Variants in AGBL4 observed in about 807,000 individuals in gnomAD.
AGBL4 encodes the protein AGBL carboxypeptidase 4, also known as cytosolic carboxypeptidase 6.
Under a neutral mutation model 66.4 loss-of-function variants are expected in AGBL4, and 58 were observed. The ratio of observed to expected loss-of-function variants is 0.87; its 90% CI spans 0.71 to 1.09. The LOEUF (loss-of-function observed/expected upper bound fraction) is 1.09. Ranked by LOEUF, AGBL4 falls within the 50% of genes least tolerant of loss-of-function variation. The pLI, the probability that AGBL4 is intolerant of heterozygous loss-of-function variation, is 0.00. For missense variants in AGBL4, 579 were observed against 631.0 expected, an observed-to-expected ratio of 0.92 and a Z score of 0.88; for synonymous variants, 234 against 222.9, an observed-to-expected ratio of 1.05 and a Z score of -0.44.
intron 4 of AGBL4, among the ~76,000 whole-genome samples, chr1:49,118,951 T>A (rs1412635514): frequency 6.6e-6 from 1 of 152,224 alleles, no homozygotes; most frequent in East Asian, 1.9e-4. Context: ...TAGGAATTTA[T>A]CCATTTCTTC....
At chr1:49,931,877 T>C (rs1194603209) in intron 1 of AGBL4, among the ~76,000 whole-genome samples, 1 of 152,124 alleles carries the variant, frequency 6.6e-6, no homozygotes, top group Non-Finnish European at 1.5e-5. Flanking sequence ...TATTATGAAT[T>C]CACAGTAATT....
chr1:49,632,789 C>T (rs1029558315), intron 3 of AGBL4, among the ~76,000 whole-genome samples: 4 of 151,788 alleles, frequency 2.6e-5, no homozygotes, highest in African/African-American at 9.7e-5. Flanking sequence ...AAGCACTTCC[C>T]TTTCTAGGCC....
intron 3 of AGBL4, among the ~76,000 whole-genome samples, chr1:49,472,730 G>A (rs1435867999): frequency 3.9e-5 from 6 of 151,962 alleles, no homozygotes; most frequent in Non-Finnish European, 7.4e-5. Flanking sequence ...TATATTGTGT[G>A]ATGCTGAGTA....
intron 3 of AGBL4, among the ~76,000 whole-genome samples, chr1:49,548,898 G>A (rs372136570): frequency 3.9e-5 from 6 of 152,028 alleles, no homozygotes; most frequent in South Asian, 2.1e-4. Flanking sequence ...CTGTAAATCC[G>A]TCTGGTCTGG....
At chr1:49,211,719 C>T (rs1276936184) in intron 4 of AGBL4, among the ~76,000 whole-genome samples, 2 of 151,990 alleles carry the variant, frequency 1.3e-5, no homozygotes, top group African/African-American at 4.8e-5. Context: ...AACTACTCTG[C>T]AATTTAATAA....
At chr1:49,767,388 TA>T (rs1385885085) in intron 2 of AGBL4, among the ~76,000 whole-genome samples, 2 of 151,398 alleles carry the variant, frequency 1.3e-5, no homozygotes, top group Admixed American at 6.6e-5. Context: ...AAGGCAGAAA[TA>T]AAAAAAATTA....
At chr1:49,934,971 G>A (rs1653790487) in intron 1 of AGBL4, among the ~76,000 whole-genome samples, 1 of 152,232 alleles carries the variant, frequency 6.6e-6, no homozygotes, top group Non-Finnish European at 1.5e-5. Context: ...GGGAGTGCCA[G>A]ACAGTGGGCA....
intron 3 of AGBL4, among the ~76,000 whole-genome samples, chr1:49,254,244 G>T (rs1048048358): frequency 7.2e-5 from 11 of 151,950 alleles, no homozygotes; most frequent in Admixed American, 7.2e-4. Context: ...TTTCTAGATG[G>T]CACGATCCTC....
At chr1:48,800,952 G>C (rs1289685437) in intron 6 of AGBL4, among the ~76,000 whole-genome samples, 1 of 152,038 alleles carries the variant, frequency 6.6e-6, no homozygotes, top group African/African-American at 2.4e-5. Flanking sequence ...GGGTTAGGGG[G>C]GTCTGAGCTC....
At chr1:50,018,358 A>C (rs2148448412) in intron 1 of AGBL4, among the ~76,000 whole-genome samples, 1 of 152,306 alleles carries the variant, frequency 6.6e-6, no homozygotes, top group East Asian at 1.9e-4. Flanking sequence ...TAAAAAGCAA[A>C]GATTAGCATA....
At chr1:48,526,574 G>C in the AGBL4 span, among the ~76,000 whole-genome samples, 3 of 152,216 alleles carry the variant, frequency 2.0e-5, no homozygotes, top group Non-Finnish European at 4.4e-5. Context: ...ATCCACAGTA[G>C]TAGTGGTAGC....
chr1:49,390,897 T>C lies in AGBL4; in HGVS notation c.283-145033A>G, dbSNP rs182473621. Among the ~76,000 whole-genome samples, 26 of 152,200 alleles carry C rather than the reference T, an allele frequency of 1.7e-4. No individual in the cohort carries two copies. The East Asian group carries it at 4.5e-3, about 26-fold the overall frequency. On this transcript the variant is annotated intron_variant, in intron 3 of 13. Coordinates refer to ENST00000371839, the MANE Select transcript of AGBL4 (RefSeq NM_032785.4). ...ACACTTTCTAGTTTTAAGGAGCTCATAGAGAATGGAAGAGAGAGGCATGGG... is the reference window on the plus strand; with the variant it reads ...ACACTTTCTAGTTTTAAGGAGCTCACAGAGAATGGAAGAGAGAGGCATGGG...
intron 9 of AGBL4, among the ~76,000 whole-genome samples, chr1:48,623,351 G>A (rs1020378437): frequency 1.3e-5 from 2 of 152,230 alleles, no homozygotes; most frequent in Admixed American, 6.5e-5. Flanking sequence ...AAGCTGATAA[G>A]GCTTCCCACA....
intron 4 of AGBL4, among the ~76,000 whole-genome samples, chr1:49,112,953 A>AT (rs780520117): frequency 0.016 from 2,246 of 142,214 alleles, 47 homozygotes; most frequent in African/African-American, 0.047. Flanking sequence ...CTTCTTTTTA[A>AT]TTTTTTTTTT....
intron 11 of AGBL4, among the ~76,000 whole-genome samples, chr1:48,553,181 G>C (rs544204539): frequency 1.3e-5 from 2 of 152,134 alleles, no homozygotes; most frequent in East Asian, 3.9e-4. Flanking sequence ...ACAGTTGACC[G>C]TGGCTCTGAA....
chr1:49,778,519 T>C lies in AGBL4; in HGVS notation c.157+72877A>G, dbSNP rs145052607. Among the ~76,000 whole-genome samples, 246 of 152,240 alleles carry C rather than the reference T, an allele frequency of 1.6e-3. 4 individuals are homozygous for C. In the East Asian group the frequency reaches 0.031, roughly 19 times the overall value. On this transcript the variant is annotated intron_variant, in intron 2 of 13. Coordinates refer to ENST00000371839, the MANE Select transcript of AGBL4 (RefSeq NM_032785.4). ...ATCAAAACAATGGCAAACTTGGTGG[T>C]GAGCAATAAAGAGGGAGTTAAGAGC... is the stretch of plus-strand genomic sequence containing the variant.
chr1:48,629,607 C>A (rs1171539012), intron 9 of AGBL4, among the ~76,000 whole-genome samples: 2 of 152,204 alleles, frequency 1.3e-5, no homozygotes, highest in East Asian at 3.9e-4. Flanking sequence ...TGAGTGAACC[C>A]TTGATGGCCA....
At chr1:48,530,738 T>G (rs1224820290), downstream of AGBL4, among the ~76,000 whole-genome samples, 1 of 152,224 alleles carries the variant, frequency 6.6e-6, no homozygotes, top group East Asian at 1.9e-4. Context: ...TGCATCAGTA[T>G]GGAGAGTTGT....
chr1:48,723,825 A>G (rs922608750), intron 6 of AGBL4, among the ~76,000 whole-genome samples: 1 of 152,234 alleles, frequency 6.6e-6, no homozygotes, highest in Non-Finnish European at 1.5e-5. Flanking sequence ...CAACCACTTA[A>G]GAGAAAACAC....
Sources: allele counts gnomAD v4.1 joint callset (sites outside exome capture counted in the v4.1 genomes callset), GRCh38; gene constraint gnomAD v4.1.1; transcripts MANE v1.5; gene names NCBI Gene and HGNC (gene_info 2026-07-23, HGNC 2026-07-21).